The following GGA2 variants were observed in gnomAD, a reference collection of about 807,000 sequenced individuals.
GGA2 encodes golgi associated, gamma adaptin ear containing, ARF binding protein 2, also known as ADP-ribosylation factor-binding protein GGA2.
In GGA2, 48 loss-of-function variants were observed where a neutral mutation model predicts 79.5. The observed-to-expected ratio is 0.60, with a 90% confidence interval of 0.48 to 0.77. The LOEUF (loss-of-function observed/expected upper bound fraction) is 0.77, where lower values mean the gene tolerates loss of function less well. Ranked by LOEUF, GGA2 falls within the 30% of genes least tolerant of loss-of-function variation. GGA2 has a pLI of 0.00. For missense variants in GGA2, 770 were observed against 774.0 expected (o/e 0.99, Z 0.06); for synonymous variants, 317 against 302.0 (o/e 1.05, Z -0.51).
At chr16:23,491,260 C>G (rs2142131029) in intron 5 of GGA2, among the ~76,000 whole-genome samples, 1 of 136,478 alleles carries the variant, frequency 7.3e-6, no homozygotes, top group Admixed American at 8.4e-5. Context: ...TGAGCCATGA[C>G]TGCACCACTG....
At chr16:23,483,707 T>C (rs1964677818) in intron 8 of GGA2, among the ~76,000 whole-genome samples, 1 of 151,878 alleles carries the variant, frequency 6.6e-6, no homozygotes, top group Non-Finnish European at 1.5e-5. Flanking sequence ...AGTGCAATGG[T>C]GTGATCTCAG....
chr16:23,508,519 C>T (rs1387968726), intron 1 of GGA2, among the ~76,000 whole-genome samples: 1 of 152,176 alleles, frequency 6.6e-6, no homozygotes, highest in Non-Finnish European at 1.5e-5. Flanking sequence ...TCTCCTCCAT[C>T]TTTAAGGAGC....
intron 13 of GGA2, among the ~76,000 whole-genome samples, chr16:23,476,754 T>C (rs1964580842): frequency 6.6e-6 from 1 of 152,208 alleles, no homozygotes; most frequent in African/African-American, 2.4e-5. Flanking sequence ...ACTTTGCACT[T>C]TGTTGTATGT....
At chr16:23,489,622 C>T (rs962261853) in intron 5 of GGA2, among the ~76,000 whole-genome samples, 2 of 152,146 alleles carry the variant, frequency 1.3e-5, no homozygotes, top group African/African-American at 4.8e-5. Context: ...AAAACAACCT[C>T]CAAGGATTGA....
chr16:23,486,634 A>T, intron 7 of GGA2, 76 bp downstream of exon 7: 1 of 874,584 alleles, frequency 1.1e-6, no homozygotes, highest in Non-Finnish European at 2.0e-6. Flanking sequence ...CTACCCCTCA[A>T]GCATAGGCTC....
At chr16:23,486,891 C>T (rs901747825) in intron 6 of GGA2, 101 bp from the exon 7 acceptor site, 6 of 762,060 alleles carry the variant, frequency 7.9e-6, no homozygotes, top group African/African-American at 5.1e-5. Flanking sequence ...ACAGTGCACA[C>T]ATTTTACATG....
intron 1 of GGA2, among the ~76,000 whole-genome samples, chr16:23,497,539 A>G (rs138789470): frequency 1.3e-5 from 2 of 152,276 alleles, no homozygotes; most frequent in East Asian, 3.9e-4. Flanking sequence ...ATTCTAAGTG[A>G]AGAGAGAACA....
intron 2 of GGA2, among the ~76,000 whole-genome samples, chr16:23,519,307 T>G (rs947095665): frequency 1.3e-5 from 2 of 152,198 alleles, no homozygotes; most frequent in African/African-American, 4.8e-5. Flanking sequence ...CCTCCCAATG[T>G]GCTGGGATTA....
intron 1 of GGA2, among the ~76,000 whole-genome samples, chr16:23,520,658 A>T (rs1225887858): frequency 4.1e-5 from 5 of 122,854 alleles, no homozygotes; most frequent in African/African-American, 1.4e-4. Flanking sequence ...ACATCCTCTT[A>T]AAAAAAAAAA....
At chr16:23,504,588 T>C (rs1964954416) in intron 1 of GGA2, among the ~76,000 whole-genome samples, 1 of 152,042 alleles carries the variant, frequency 6.6e-6, no homozygotes, top group Non-Finnish European at 1.5e-5. Context: ...CTTGAGCAGC[T>C]CCAAAAAATG....
In GGA2 at chr16:23,466,368, A is replaced by C. The variant is rs747578342; in HGVS notation, c.*1222T>G. Reference sequence around the variant, plus strand: ...AGTTCCTAGCACACAGTAGGTGCTAAGTGGGAATTGATTATAAACTTGAAT... The same window carrying C: ...AGTTCCTAGCACACAGTAGGTGCTACGTGGGAATTGATTATAAACTTGAAT... On this transcript the variant is annotated 3_prime_UTR_variant, in exon 17 of 17. Transcript: ENST00000309859. The C allele has an allele frequency of 6.6e-6, 1 of 152,212 alleles. No homozygotes were observed. The highest frequency in any genetic ancestry group is 1.5e-5 in the Non-Finnish European group (1 of 68,032). The allele number at this position is 152,212 out of a possible 1,614,324, so 9.4% of individuals were successfully genotyped here.
intron 1 of GGA2, among the ~76,000 whole-genome samples, chr16:23,499,822 A>G (rs1265534203): frequency 6.6e-6 from 1 of 152,224 alleles, no homozygotes; most frequent in Non-Finnish European, 1.5e-5. Context: ...CTCACAGTGT[A>G]GAAACCTGAA....
Position 23,486,710 on chromosome 16 carries a change from C to G in GGA2, c.660G>C (p.Glu220Asp). 6.3e-7 allele frequency: 1 copy of G among 1,585,950 alleles called. No homozygotes were observed. The highest frequency in any genetic ancestry group is 8.7e-7 in the Non-Finnish European group (1 of 1,154,224). The part of the protein sequence containing the change: ...ANRLIKNLVK[E>D]EQEKSEKVSK... ...CTGAACCAACTGGAAGAATGCCCAC[C>G]TCCTTGACCAAATTCTTGATTAACC... The change falls in exon 7 of 17, where the codon GAG becomes GAC. Residue 220 changes from glutamate to aspartate, a missense_variant and splice_region_variant. Glu to Asp is a conservative substitution (Grantham distance 45). Coordinates refer to ENST00000309859, the MANE Select transcript of GGA2 (RefSeq NM_015044.4).
intron 1 of GGA2, among the ~76,000 whole-genome samples, chr16:23,508,016 C>T (rs947906600): frequency 6.6e-5 from 10 of 151,432 alleles, no homozygotes; most frequent in African/African-American, 1.9e-4. Context: ...CCAGGCACTC[C>T]TTTTATCTCC....
At chr16:23,523,195 G>C (rs977777840), upstream of GGA2, 5 of 152,320 alleles carry the variant, frequency 3.3e-5, no homozygotes, top group African/African-American at 1.2e-4. Context: ...TGGCTGCCAT[G>C]CAGGGGAAGC....
At chr16:23,483,101 T>G in intron 8 of GGA2, 97 bp from the exon 9 acceptor site, 1 of 750,104 alleles carries the variant, frequency 1.3e-6, no homozygotes, top group South Asian at 1.5e-5. Flanking sequence ...GACGGCAGAG[T>G]CTGGGGCTTC....
At chr16:23,476,178 C>T (rs1964575032) in intron 13 of GGA2, among the ~76,000 whole-genome samples, 1 of 152,146 alleles carries the variant, frequency 6.6e-6, no homozygotes, top group African/African-American at 2.4e-5. Flanking sequence ...AAACTGAAAA[C>T]ATTTTAGAAA....
intron 12 of GGA2, 134 bp from the exon 13 acceptor site, chr16:23,478,635 G>A (rs571992578): frequency 2.2e-4 from 188 of 866,756 alleles, no homozygotes; most frequent in Non-Finnish European, 3.1e-4. Flanking sequence ...GGGGCAAGAG[G>A]GGAAAGAAAG....
intron 1 of GGA2, among the ~76,000 whole-genome samples, chr16:23,505,863 T>C (rs1184443730): frequency 6.6e-6 from 1 of 152,202 alleles, no homozygotes; most frequent in Admixed American, 6.5e-5. Context: ...GAAAATTCAA[T>C]CAAAGAAGTG....
Sources: gnomAD v4.1 joint callset for allele counts (sites outside exome capture counted in the v4.1 genomes callset) on GRCh38, gnomAD v4.1.1 for gene constraint, MANE v1.5 for transcripts, NCBI Gene and HGNC (gene_info 2026-07-23, HGNC 2026-07-21) for gene names.